Variants in KIAA1210 observed in about 807,000 individuals in gnomAD.
KIAA1210 encodes KIAA1210.
KIAA1210 carries 48 observed loss-of-function variants against 78.9 expected under a neutral mutation model. That is an observed-to-expected ratio of 0.61 (90% confidence interval 0.48 to 0.77). The LOEUF (loss-of-function observed/expected upper bound fraction) is 0.77. KIAA1210 is among the 30% of genes least tolerant of loss of function. The pLI is 0.00. For synonymous variants in KIAA1210, 406 were observed against 404.5 expected, an observed-to-expected ratio of 1.00 and a Z score of -0.04; for missense variants, 1,108 against 1,100.0, an observed-to-expected ratio of 1.01 and a Z score of -0.10.
In KIAA1210 at chrX:119,089,345, T is replaced by C. The variant is rs750626297; in HGVS notation, c.1357A>G (p.Arg453Gly). 35 of 1,211,809 alleles carry C rather than the reference T, an allele frequency of 2.9e-5. No individual in the cohort carries two copies. The highest frequency in any genetic ancestry group is 3.7e-5 in the Non-Finnish European group (33 of 895,428). The change falls in exon 9 of 12, where the codon AGA (arginine) becomes GGA (glycine). Residue 453 changes from arginine to glycine, a missense_variant. Coordinates refer to ENST00000691062, the MANE Select transcript of KIAA1210 (RefSeq NM_001394962.1). ...ATGGGCTGTGCTGCTGATGCTTTTCTGGATCCGAAATCTATGCCAGCATTT... is the reference window on the plus strand; with the variant it reads ...ATGGGCTGTGCTGCTGATGCTTTTCCGGATCCGAAATCTATGCCAGCATTT... Reference protein sequence around the residue: ...RRNAGIDFGSRKASAAQPIPE... With the variant: ...RRNAGIDFGSGKASAAQPIPE...
In KIAA1210 at chrX:119,087,277, G is replaced by A; in HGVS notation, c.3425C>T (p.Pro1142Leu). 8.3e-7 allele frequency: 1 copy of A among 1,211,434 alleles called. No individual in the cohort carries two copies. The highest frequency in any genetic ancestry group is 1.1e-6 in the Non-Finnish European group (1 of 895,316). ...QKVSPVSASSPKEWRNSKKQL... is the reference protein window; with the variant it reads ...QKVSPVSASSLKEWRNSKKQL... ...CTTTTTAGAATTCCTCCACTCTTTA[G>A]GAGAACTGGCAGAAACAGGGGAGAC... The change falls in exon 9 of 12, where the codon CCT becomes CTT. Residue 1142 changes from proline (P) to leucine (L), a missense_variant. This residue lies in a region of KIAA1210 where 245 missense variants were observed against 278.8 expected (regional missense o/e 0.88). Coordinates refer to ENST00000691062, the MANE Select transcript of KIAA1210 (RefSeq NM_001394962.1).
chrX:119,092,505 C>T (rs897700116), intron 8 of KIAA1210, among the ~76,000 whole-genome samples: 20 of 111,899 alleles, frequency 1.8e-4, no homozygotes, highest in Admixed American at 7.6e-4. Flanking sequence ...CTCACGCCTG[C>T]AATCCCAGCA....
intron 2 of KIAA1210, among the ~76,000 whole-genome samples, chrX:119,122,444 G>A (rs955738054): frequency 8.9e-6 from 1 of 111,777 alleles, no homozygotes; most frequent in African/African-American, 3.3e-5. Context: ...GGCCAGCCCT[G>A]ACTAGTTCTA....
rs1412203652 is a variant in KIAA1210 at position 119,083,013 on chromosome X, A to C, written c.4426+2T>G. ...TTGAGAGGTCAGAATGTATGCTTTTACCTGATTTTGTAGGCTTAGGTGGCT... is the reference window on the plus strand; with the variant it reads ...TTGAGAGGTCAGAATGTATGCTTTTCCCTGATTTTGTAGGCTTAGGTGGCT... On this transcript the variant is annotated splice_donor_variant, in intron 11 of 11. Coordinates refer to ENST00000691062, the MANE Select transcript of KIAA1210 (RefSeq NM_001394962.1). LOFTEE classifies it high-confidence loss of function. 1 of 1,171,048 alleles carries C rather than the reference A, an allele frequency of 8.5e-7. No homozygotes were observed. The highest frequency in any genetic ancestry group is 1.8e-5 in the African/African-American group (1 of 56,699).
At chrX:119,098,958 T>C (rs1006847346) in intron 6 of KIAA1210, among the ~76,000 whole-genome samples, 2 of 112,044 alleles carry the variant, frequency 1.8e-5, no homozygotes, top group Non-Finnish European at 3.8e-5. Flanking sequence ...CCACCAGAAG[T>C]TGCCTTTCTG....
At position 119,109,185 on chromosome X, in the gene KIAA1210, C is replaced by T. The variant is rs1035856243; in HGVS notation, c.248G>A (p.Gly83Glu). 17 of 1,203,376 alleles carry T rather than the reference C, an allele frequency of 1.4e-5. No individual in the cohort carries two copies. The highest frequency in any genetic ancestry group is 1.9e-5 in the Non-Finnish European group (17 of 890,964). The change falls in exon 4 of 12, where the codon GGG becomes GAG. Residue 83 changes from glycine to glutamate, a missense_variant. Gly to Glu is a moderately conservative substitution (Grantham distance 98). Coordinates refer to ENST00000691062, the MANE Select transcript of KIAA1210 (RefSeq NM_001394962.1). ...GCTATCATGGGATAGGGCTTTGCTCCCCATGCTGCTCTTGGCCCTGGACAG... is the reference window on the plus strand; with the variant it reads ...GCTATCATGGGATAGGGCTTTGCTCTCCATGCTGCTCTTGGCCCTGGACAG... ...PTKARAKSSM[G>E]SKALSHDSIF... is the part of the protein sequence containing the mutation.
intron 1 of KIAA1210, among the ~76,000 whole-genome samples, chrX:119,125,735 A>ATATATATATATATATATATATATT (rs5903546): frequency 4.4e-4 from 7 of 15,792 alleles, no homozygotes; most frequent in Admixed American, 1.5e-3. Flanking sequence ...ATATATATAT[A>ATATATATATATATATATATATATT]TTTTTTTTTT....
chrX:119,117,869 T>C (rs1928325529), intron 2 of KIAA1210, among the ~76,000 whole-genome samples: 1 of 111,219 alleles, frequency 9.0e-6, no homozygotes, highest in Non-Finnish European at 1.9e-5. Context: ...CGCCTTGGCC[T>C]CCCAAAGTGC....
chrX:119,146,964 C>T (rs1269620462), intron 2 of KIAA1210, among the ~76,000 whole-genome samples: 2 of 111,347 alleles, frequency 1.8e-5, no homozygotes, highest in Non-Finnish European at 3.8e-5. Context: ...CTAATGACCA[C>T]ATTAAACACG....
chrX:119,113,658 T>C lies in KIAA1210; in HGVS notation c.230+2838A>G, dbSNP rs142233083. On this transcript the variant is annotated intron_variant, in intron 3 of 11. Coordinates refer to ENST00000691062, the MANE Select transcript of KIAA1210 (RefSeq NM_001394962.1). ...CTAAAAGGTAGAACTTTGTAGTATGTGAATTATATTTCAAGAAAGCTGTTA... is the reference window on the plus strand; with the variant it reads ...CTAAAAGGTAGAACTTTGTAGTATGCGAATTATATTTCAAGAAAGCTGTTA... Among the ~76,000 whole-genome samples the C allele has an allele frequency of 7.8e-3, 868 of 111,931 alleles. 11 individuals are homozygous for C. Among genetic ancestry groups the C allele is most frequent in the African/African-American group, 0.027 (832 of 30,874 alleles).
chrX:119,083,344 A>C (rs981352315), intron 10 of KIAA1210, among the ~76,000 whole-genome samples: 2 of 111,797 alleles, frequency 1.8e-5, no homozygotes, highest in African/African-American at 3.3e-5. Flanking sequence ...GCTCAAGTTT[A>C]CCACCTTTCA....
chrX:119,133,503 G>A (rs935370773), intron 2 of KIAA1210, among the ~76,000 whole-genome samples: 1 of 111,641 alleles, frequency 9.0e-6, no homozygotes, highest in Admixed American at 9.5e-5. Context: ...CGGAATGATT[G>A]GCATTTGCCC....
chrX:119,147,554 T>C, exon 2 of KIAA1210: 1 of 1,210,243 alleles, frequency 8.3e-7, no homozygotes, highest in Admixed American at 2.2e-5. Flanking sequence ...ATCCCCAAGA[T>C]TACCAGCAAT....
intron 3 of KIAA1210, among the ~76,000 whole-genome samples, chrX:119,110,877 G>T (rs1349804244): frequency 9.2e-6 from 1 of 108,919 alleles, no homozygotes. Context: ...TTCACAAAAT[G>T]ATCTACAGAT....
intron 1 of KIAA1210, among the ~76,000 whole-genome samples, chrX:119,125,665 C>T (rs1417688767): frequency 2.3e-5 from 2 of 86,914 alleles, no homozygotes; most frequent in Non-Finnish European, 4.4e-5. Context: ...CCACCTCAGC[C>T]TTCATAGCAG....
At chrX:119,093,516 T>C (rs1210860627) in intron 8 of KIAA1210, 151 bp downstream of exon 8, 6 of 353,981 alleles carry the variant, frequency 1.7e-5, no homozygotes, top group Non-Finnish European at 2.9e-5. Flanking sequence ...TGGAGAAGCC[T>C]GGACAACATT....
rs756540235 is a variant in KIAA1210, at chrX:119,084,534, C to T, written c.4320+849G>A. Among the ~76,000 whole-genome samples, 11 of 111,253 alleles carry T rather than the reference C, an allele frequency of 9.9e-5. No individual in the cohort carries two copies. In the South Asian group the frequency reaches 4.2e-3, roughly 43 times the overall value. On this transcript the variant is annotated intron_variant, in intron 10 of 11. Transcript: ENST00000691062. ...TGTAAAGATAGTCACTCAACTCTTA[C>T]CCCAGTGATTACCTTTAGGTATTTT...
At chrX:119,129,852 T>C (rs950064435), upstream of KIAA1210, among the ~76,000 whole-genome samples, 1 of 111,731 alleles carries the variant, frequency 9.0e-6, no homozygotes, top group African/African-American at 3.3e-5. Context: ...CTGTCCTTTT[T>C]CCCCCACAAG....
intron 2 of KIAA1210, among the ~76,000 whole-genome samples, chrX:119,137,216 C>A (rs909696025): frequency 3.6e-5 from 4 of 112,510 alleles, no homozygotes; most frequent in Non-Finnish European, 7.5e-5. Flanking sequence ...ATTTTCACTT[C>A]TCTCCCATTT....
Sources: allele counts gnomAD v4.1 joint callset (sites outside exome capture counted in the v4.1 genomes callset), GRCh38; gene constraint gnomAD v4.1.1; regional missense constraint gnomAD v4.1.1; transcripts MANE v1.5; gene names NCBI Gene and HGNC (gene_info 2026-07-23, HGNC 2026-07-21).